ANK2: variants seen among roughly 807,000 people sequenced by gnomAD.
ANK2 encodes the protein ankyrin-2.
ANK2 carries 83 observed loss-of-function variants against 360.5 expected under a neutral mutation model. The ratio of observed to expected loss-of-function variants is 0.23; its 90% CI spans 0.19 to 0.28. ANK2 has a LOEUF of 0.28. Ranked by LOEUF, ANK2 falls within the 10% of genes least tolerant of loss-of-function variation. The pLI, the probability that ANK2 is intolerant of heterozygous loss-of-function variation, is 1.00. For missense variants in ANK2, 4,201 were observed against 4,795.7 expected (o/e 0.88, Z 3.66); for synonymous variants, 1,740 against 1,759.5 (o/e 0.99, Z 0.28).
the ANK2 span, among the ~76,000 whole-genome samples, chr4:112,766,282 C>G: frequency 6.6e-6 from 1 of 151,412 alleles, no homozygotes; most frequent in Non-Finnish European, 1.5e-5. Context: ...GATCGCACCA[C>G]TGCACTCCAG....
chr4:113,315,506 A>G (rs2082258219), intron 24 of ANK2, among the ~76,000 whole-genome samples: 1 of 152,180 alleles, frequency 6.6e-6, no homozygotes, highest in African/African-American at 2.4e-5. Flanking sequence ...GGTTGAGCCC[A>G]TAGAACAGCT....
intron 2 of ANK2, among the ~76,000 whole-genome samples, chr4:112,913,752 A>G (rs1422168299): frequency 1.3e-5 from 2 of 152,168 alleles, no homozygotes; most frequent in Non-Finnish European, 2.9e-5. Flanking sequence ...TGAAAGCCCT[A>G]TTTGGAAATC....
chr4:113,356,261 A>G lies in ANK2; in HGVS notation c.7643A>G (p.Tyr2548Cys). 1 of 1,614,126 alleles carries G rather than the reference A, an allele frequency of 6.2e-7. No homozygotes were observed. The change falls in exon 38 of 46, where the codon TAT (tyrosine) becomes TGT (cysteine). Residue 2548 changes from tyrosine (Y) to cysteine (C), a missense_variant. By Grantham distance (194) the Tyr-to-Cys change is radical. This residue lies in a region of ANK2 where 2,642 missense variants were observed against 2,714.5 expected (regional missense o/e 0.97). Transcript: ENST00000357077. ...PDTPSSEEVS[Y>C]EVTPKTTDVS... ...ACCCCCAGCTCTGAAGAAGTCAGCTATGAGGTTACACCCAAAACCACAGAT... is the reference window on the plus strand; with the variant it reads ...ACCCCCAGCTCTGAAGAAGTCAGCTGTGAGGTTACACCCAAAACCACAGAT...
At chr4:112,803,477 G>A in the ANK2 span, among the ~76,000 whole-genome samples, 1 of 152,034 alleles carries the variant, frequency 6.6e-6, no homozygotes, top group African/African-American at 2.4e-5. Flanking sequence ...GAAGACTGGA[G>A]TAATGGATGC....
intron 1 of ANK2, among the ~76,000 whole-genome samples, chr4:112,860,139 T>G (rs2150084675): frequency 6.6e-6 from 1 of 152,362 alleles, no homozygotes; most frequent in South Asian, 2.1e-4. Flanking sequence ...TGCTTCCTTT[T>G]CTAGTCAGTT....
intron 2 of ANK2, among the ~76,000 whole-genome samples, chr4:112,909,112 T>A (rs1580969631): frequency 6.6e-6 from 1 of 152,320 alleles, no homozygotes; most frequent in Non-Finnish European, 1.5e-5. Flanking sequence ...TACCTTGCAT[T>A]AACGTGATTA....
intron 4 of ANK2, 138 bp from the exon 5 acceptor site, chr4:113,232,023 C>A (rs1026706715): frequency 1.5e-6 from 1 of 675,268 alleles, no homozygotes; most frequent in Non-Finnish European, 2.6e-6. Context: ...TTTTGTCTAG[C>A]TTTATAATGA....
intron 2 of ANK2, among the ~76,000 whole-genome samples, chr4:112,999,268 C>CTATAA (rs141504453): frequency 0.25 from 38,208 of 151,850 alleles, 6,053 homozygotes; most frequent in African/African-American, 0.46. Context: ...AAAAGAGTAA[C>CTATAA]TATAATACTT....
intron 25 of ANK2, among the ~76,000 whole-genome samples, chr4:113,318,135 A>C (rs893547396): frequency 2.0e-5 from 3 of 152,238 alleles, no homozygotes; most frequent in African/African-American, 7.2e-5. Flanking sequence ...TTTAAGGTAT[A>C]AGATGAATGG....
chr4:113,336,329 A>G (rs909226294), intron 30 of ANK2: 2 of 584,814 alleles, frequency 3.4e-6, no homozygotes, highest in Non-Finnish European at 5.8e-6. Context: ...TAAATGAGAA[A>G]TAAATTGTTA....
intron 4 of ANK2, among the ~76,000 whole-genome samples, chr4:113,225,080 T>C (rs958303241): frequency 2.6e-5 from 4 of 152,088 alleles, no homozygotes; most frequent in Non-Finnish European, 5.9e-5. Flanking sequence ...CACCACATCT[T>C]TTGAGAGACA....
At chr4:112,906,245 A>C (rs2085163314) in intron 2 of ANK2, among the ~76,000 whole-genome samples, 1 of 152,194 alleles carries the variant, frequency 6.6e-6, no homozygotes, top group African/African-American at 2.4e-5. Flanking sequence ...ATGCATCAAC[A>C]AACCAACTGG....
rs1043759385 is a variant in ANK2, at chr4:113,332,954, C to CA, written c.3225-96dup. 14 of 1,567,134 alleles carry CA rather than the reference C, an allele frequency of 8.9e-6. No individual in the cohort carries two copies. The African/African-American group carries it at 1.9e-4, about 21-fold the overall frequency. On this transcript the variant is annotated intron_variant, in intron 28 of 45. Coordinates refer to ENST00000357077, the MANE Select transcript of ANK2 (RefSeq NM_001148.6). ...TGGCCCACTATGTCCCTGTCCCCAG[C>CA]AAAAGAAGAATTCCAGGTCACTTTG...
intron 2 of ANK2, among the ~76,000 whole-genome samples, chr4:112,937,072 A>G (rs1011589336): frequency 6.6e-6 from 1 of 151,908 alleles, no homozygotes; most frequent in Non-Finnish European, 1.5e-5. Context: ...AATCATAGAC[A>G]TGAGCCATCA....
At chr4:113,339,429 G>T in intron 32 of ANK2, 107 bp downstream of exon 32, 2 of 917,828 alleles carry the variant, frequency 2.2e-6, no homozygotes, top group Non-Finnish European at 3.5e-6. Flanking sequence ...TTTTTTCATT[G>T]GATTTTAAAT....
intron 2 of ANK2, among the ~76,000 whole-genome samples, chr4:112,971,749 G>A (rs1358147903): frequency 1.3e-5 from 2 of 152,134 alleles, no homozygotes; most frequent in Admixed American, 1.3e-4. Flanking sequence ...ACAGGGACTT[G>A]GAATTACACA....
At chr4:113,071,348 C>T (rs957903103) in intron 1 of ANK2, among the ~76,000 whole-genome samples, 1 of 152,096 alleles carries the variant, frequency 6.6e-6, no homozygotes, top group Non-Finnish European at 1.5e-5. Context: ...TGATAAAGGC[C>T]ATGGTAATAT....
At chr4:112,801,751 A>G in the ANK2 span, among the ~76,000 whole-genome samples, 3 of 152,224 alleles carry the variant, frequency 2.0e-5, no homozygotes, top group South Asian at 2.1e-4. Context: ...TGTGAGGGTA[A>G]GAGATGAAGC....
chr4:112,974,471 G>A (rs1202498986), intron 2 of ANK2, among the ~76,000 whole-genome samples: 5 of 152,066 alleles, frequency 3.3e-5, no homozygotes, highest in Non-Finnish European at 7.4e-5. Context: ...TCAAAAAACA[G>A]AATTGTAAGA....
Sources: allele counts gnomAD v4.1 joint callset (sites outside exome capture counted in the v4.1 genomes callset), GRCh38; gene constraint gnomAD v4.1.1; regional missense constraint gnomAD v4.1.1; transcripts MANE v1.5; gene names NCBI Gene and HGNC (gene_info 2026-07-23, HGNC 2026-07-21).